The following LAMC2 variants were observed in gnomAD, a reference collection of about 807,000 sequenced individuals.
The protein encoded by LAMC2 is laminin subunit gamma-2.
LAMC2 carries 97 observed loss-of-function variants against 140.2 expected under a neutral mutation model. The ratio of observed to expected loss-of-function variants is 0.69; its 90% CI spans 0.59 to 0.82. LAMC2 has a LOEUF of 0.82. Ranked by LOEUF, LAMC2 falls within the 40% of genes least tolerant of loss-of-function variation. The pLI, the probability that LAMC2 is intolerant of heterozygous loss-of-function variation, is 0.00. For missense variants in LAMC2, 1,402 were observed against 1,476.1 expected, an observed-to-expected ratio of 0.95 and a Z score of 0.82; for synonymous variants, 513 against 540.2, an observed-to-expected ratio of 0.95 and a Z score of 0.70.
At chr1:183,250,961 C>G in the LAMC2 span, 1 of 152,214 alleles carries the variant, frequency 6.6e-6, no homozygotes, top group Non-Finnish European at 1.5e-5. Flanking sequence ...TCCTAATACT[C>G]AGGGACTATT....
At chr1:183,254,585 A>G in the LAMC2 span, among the ~76,000 whole-genome samples, 15 of 152,034 alleles carry the variant, frequency 9.9e-5, no homozygotes, top group South Asian at 2.7e-3. Flanking sequence ...CTTCAGGCAC[A>G]TGCTACCATG....
intron 1 of LAMC2, among the ~76,000 whole-genome samples, chr1:183,197,536 C>T (rs1480417077): frequency 6.6e-6 from 1 of 152,030 alleles, no homozygotes; most frequent in African/African-American, 2.4e-5. Flanking sequence ...ATTAGCCGGG[C>T]GTGCTGGCGG....
At chr1:183,240,721 G>T in intron 22 of LAMC2, 1 of 1,229,414 alleles carries the variant, frequency 8.1e-7, no homozygotes, top group Admixed American at 3.7e-5. Context: ...ACCCTGAGAA[G>T]CCAGTGGACA....
At chr1:183,221,263 T>C (rs1340723514) in intron 5 of LAMC2, among the ~76,000 whole-genome samples, 2 of 152,190 alleles carry the variant, frequency 1.3e-5, no homozygotes, top group African/African-American at 4.8e-5. Context: ...GAATCATTCA[T>C]TTGGTTTGGA....
chr1:183,212,238 A>G (rs919053357), intron 2 of LAMC2, among the ~76,000 whole-genome samples: 3 of 152,208 alleles, frequency 2.0e-5, no homozygotes, highest in Non-Finnish European at 2.9e-5. Flanking sequence ...ATTCATGTTA[A>G]AAACAACCAA....
At position 183,225,652 on chromosome 1, in the gene LAMC2, A is replaced by G. The variant is rs765627456; in HGVS notation, c.998A>G (p.Tyr333Cys). 8.1e-6 allele frequency: 13 copies of G among 1,614,042 alleles called. No individual in the cohort carries two copies. The highest frequency in any genetic ancestry group is 1.3e-5 in the African/African-American group (1 of 74,932). Residue 333 changes from tyrosine (Y) to cysteine (C), a missense_variant, in exon 8 of 23, where the codon TAC (tyrosine) becomes TGC (cysteine). By Grantham distance (194) the Tyr-to-Cys change is radical. Coordinates refer to ENST00000264144, the MANE Select transcript of LAMC2 (RefSeq NM_005562.3). ...PSNNWSPQLSYFEYRRLLRNL... is the reference protein window; with the variant it reads ...PSNNWSPQLSCFEYRRLLRNL... Reference sequence around the variant, plus strand: ...AATAATTGGAGCCCCCAGCTGAGTTACTTTGAGTATCGAAGGTTACTGCGG... The same window carrying G: ...AATAATTGGAGCCCCCAGCTGAGTTGCTTTGAGTATCGAAGGTTACTGCGG...
rs753383145 is a variant in LAMC2 at position 183,218,423 on chromosome 1, C to T, written c.438C>T (p.Ile146=). 22 of 1,614,052 alleles carry T rather than the reference C, an allele frequency of 1.4e-5. No homozygotes were observed. In the East Asian group the frequency reaches 2.2e-4, roughly 16 times the overall value. ...AGTGTGACTGTGACCCAGCTGGCAT[C>T]GCAGGGCCCTGTGACGCGGGCCGCT... is the stretch of plus-strand genomic sequence containing the variant. ...DSKCDCDPAG[I]AGPCDAGRCV... Residue 146 remains isoleucine (I), a synonymous_variant, in exon 4 of 23, where the codon ATC becomes ATT. Coordinates refer to ENST00000264144, the MANE Select transcript of LAMC2 (RefSeq NM_005562.3).
intron 1 of LAMC2, among the ~76,000 whole-genome samples, 156 bp from the exon 2 acceptor site, chr1:183,207,725 A>C (rs1314487610): frequency 6.6e-6 from 1 of 152,124 alleles, no homozygotes; most frequent in East Asian, 1.9e-4. Context: ...CTGCACTGCC[A>C]ATTGCACTCC....
At chr1:183,253,903 C>CTGTG in the LAMC2 span, among the ~76,000 whole-genome samples, 1 of 129,316 alleles carries the variant, frequency 7.7e-6, no homozygotes, top group African/African-American at 3.0e-5. Context: ...TGTTCCACTT[C>CTGTG]CGTGTGTGTG....
At chr1:183,239,327 T>C in intron 19 of LAMC2, 37 bp from the exon 20 acceptor site, 1 of 1,596,984 alleles carries the variant, frequency 6.3e-7, no homozygotes, top group Non-Finnish European at 8.6e-7. Context: ...AAATTTGCTT[T>C]CATCTTCACG....
rs367738116 is a variant in LAMC2 at position 183,225,676 on chromosome 1, G to A, written c.1022G>A (p.Arg341Gln). Residue 341 changes from arginine (R) to glutamine (Q), a missense_variant, in exon 8 of 23, where the codon CGG becomes CAG. Arg to Gln is a conservative substitution (Grantham distance 43). Around this residue, in one of 3 missense-constraint regions of LAMC2, gnomAD observed 723 missense variants for 783.3 expected, o/e 0.92. Transcript: ENST00000264144. ...LSYFEYRRLL[R>Q]NLTALRIRAT... The stretch of plus-strand genomic sequence containing the variant: ...TACTTTGAGTATCGAAGGTTACTGC[G>A]GAATCTCACAGCCCTCCGCATCCGA... 8.1e-6 allele frequency: 13 copies of A among 1,613,892 alleles called. No homozygotes were observed. The highest frequency in any genetic ancestry group is 1.7e-5 in the Admixed American group (1 of 60,012).
intron 1 of LAMC2, among the ~76,000 whole-genome samples, chr1:183,191,793 A>T (rs866911691): frequency 2.0e-5 from 3 of 152,034 alleles, no homozygotes; most frequent in Middle Eastern, 3.2e-3. Context: ...CGGGAGGCAG[A>T]GATTGCAGTG....
Position 183,235,600 on chromosome 1 carries a change from G to A in LAMC2, c.2326G>A (p.Glu776Lys), listed in dbSNP as rs1399211204. The change falls in exon 16 of 23, where the codon GAG becomes AAG. Residue 776 changes from glutamate to lysine, a missense_variant. Around this residue, in one of 3 missense-constraint regions of LAMC2, gnomAD observed 670 missense variants for 667.2 expected, o/e 1.00. Coordinates refer to ENST00000264144, the MANE Select transcript of LAMC2 (RefSeq NM_005562.3). The stretch of plus-strand genomic sequence containing the variant: ...CCACGTTGAGTCAGCCAGTAACATG[G>A]AGCAACTGACAAGGGAAACTGAGGA... Reference protein sequence around the residue: ...ESHVESASNMEQLTRETEDYS... With the variant: ...ESHVESASNMKQLTRETEDYS... 6.2e-7 allele frequency: 1 copy of A among 1,614,202 alleles called. No individual in the cohort carries two copies. Among genetic ancestry groups the A allele is most frequent in the Admixed American group, 1.7e-5 (1 of 60,030 alleles).
At chr1:183,220,429 C>T (rs778176068) in intron 4 of LAMC2, among the ~76,000 whole-genome samples, 4 of 151,890 alleles carry the variant, frequency 2.6e-5, no homozygotes, top group Non-Finnish European at 5.9e-5. Context: ...TTTCCTGGTC[C>T]CCACCTCCCA....
intron 2 of LAMC2, among the ~76,000 whole-genome samples, chr1:183,210,991 A>T: frequency 6.6e-6 from 1 of 152,272 alleles, no homozygotes; most frequent in East Asian, 1.9e-4. Flanking sequence ...TAATAACTTG[A>T]CAGGGAAATC....
At chr1:183,257,097 C>T in the LAMC2 span, among the ~76,000 whole-genome samples, 1 of 151,944 alleles carries the variant, frequency 6.6e-6, no homozygotes, top group African/African-American at 2.4e-5. Context: ...CGATGCTGGC[C>T]TCGTAGAATG....
In LAMC2 at chr1:183,237,399, C is replaced by A. The variant is rs374661281; in HGVS notation, c.2649C>A (p.Ser883Arg). 42 of 1,613,968 alleles carry A rather than the reference C, an allele frequency of 2.6e-5. No individual in the cohort carries two copies. Among genetic ancestry groups the A allele is most frequent in the Non-Finnish European group, 3.5e-5 (41 of 1,179,986 alleles). ...RIKQKADSLS[S>R]LVTRHMDEFK... Reference sequence around the variant, plus strand: ...AACAAAAAGCGGATTCACTCTCAAGCCTGGTAACCAGGCATATGGATGAGT... The same window carrying A: ...AACAAAAAGCGGATTCACTCTCAAGACTGGTAACCAGGCATATGGATGAGT... Residue 883 changes from serine (S) to arginine (R), a missense_variant, in exon 18 of 23, where the codon AGC becomes AGA. Physicochemically the swap from Ser to Arg is moderately radical, Grantham distance 110. Around this residue, in one of 3 missense-constraint regions of LAMC2, gnomAD observed 670 missense variants for 667.2 expected, o/e 1.00. Coordinates refer to ENST00000264144, the MANE Select transcript of LAMC2 (RefSeq NM_005562.3).
chr1:183,226,693 T>A lies in LAMC2; in HGVS notation c.1067-5T>A. On this transcript the variant is annotated splice_polypyrimidine_tract_variant and splice_region_variant and intron_variant, in intron 8 of 22. Transcript: ENST00000264144. ...GCAACTTCTAACCTGTTCTCTCGATTGCAGGTACTGGGTACATTGACAATG... is the reference window on the plus strand; with the variant it reads ...GCAACTTCTAACCTGTTCTCTCGATAGCAGGTACTGGGTACATTGACAATG... The A allele has an allele frequency of 6.2e-7, 1 of 1,612,040 alleles. No individual in the cohort carries two copies. Among genetic ancestry groups the A allele is most frequent in the Non-Finnish European group, 8.5e-7 (1 of 1,178,028 alleles).
At chr1:183,204,504 C>T (rs888059166) in intron 1 of LAMC2, among the ~76,000 whole-genome samples, 15 of 150,348 alleles carry the variant, frequency 1.0e-4, no homozygotes, top group African/African-American at 2.2e-4. Flanking sequence ...TGGTGGCACA[C>T]GCCTCTATTC....
Sources: gnomAD v4.1 joint callset for allele counts (sites outside exome capture counted in the v4.1 genomes callset) on GRCh38, gnomAD v4.1.1 for gene constraint, gnomAD v4.1.1 regional missense constraint, MANE v1.5 for transcripts, NCBI Gene and HGNC (gene_info 2026-07-23, HGNC 2026-07-21) for gene names.